Variants in LRRC7 observed in about 807,000 individuals in gnomAD.
LRRC7 encodes the protein leucine-rich repeat-containing protein 7.
A neutral mutation model predicts 175.7 loss-of-function variants in LRRC7; 23 were observed. The observed-to-expected ratio is 0.13, with a 90% CI of 0.09 to 0.19. The LOEUF (loss-of-function observed/expected upper bound fraction) is 0.19. Ranked by LOEUF, LRRC7 falls within the 10% of genes least tolerant of loss-of-function variation. LRRC7 has a pLI of 1.00. For synonymous variants in LRRC7, 685 were observed against 680.9 expected (o/e 1.01, Z -0.09); for missense variants, 1,354 against 1,904.7 (o/e 0.71, Z 5.38).
At chr1:69,578,052 G>T (rs1174368960) in intron 1 of LRRC7, among the ~76,000 whole-genome samples, 1 of 151,882 alleles carries the variant, frequency 6.6e-6, no homozygotes, top group African/African-American at 2.4e-5. Context: ...TCTGACAAAG[G>T]GCTAATATCC....
At chr1:69,886,869 A>G (rs1645645565) in intron 7 of LRRC7, among the ~76,000 whole-genome samples, 1 of 149,706 alleles carries the variant, frequency 6.7e-6, no homozygotes, top group Non-Finnish European at 1.5e-5. Context: ...TTTCTCCTTC[A>G]CTTATGAAGC....
intron 25 of LRRC7, among the ~76,000 whole-genome samples, chr1:70,107,483 CA>C (rs1337815446): frequency 4.6e-5 from 7 of 152,126 alleles, no homozygotes; most frequent in Non-Finnish European, 1.0e-4. Context: ...AGGAAAAAAT[CA>C]TTAAGAATAT....
chr1:70,047,136 A>G (rs934192563), intron 22 of LRRC7, among the ~76,000 whole-genome samples: 2 of 152,162 alleles, frequency 1.3e-5, no homozygotes, highest in African/African-American at 2.4e-5. Context: ...ATAGGGTAAG[A>G]CCAATTTTTA....
At chr1:69,705,906 C>T (rs943346605) in intron 2 of LRRC7, among the ~76,000 whole-genome samples, 30 of 152,104 alleles carry the variant, frequency 2.0e-4, no homozygotes, top group Admixed American at 4.6e-4. Context: ...TAAAGAAATG[C>T]TTCAAATATT....
At chr1:69,999,031 C>A (rs1198154146) in intron 11 of LRRC7, among the ~76,000 whole-genome samples, 1 of 152,234 alleles carries the variant, frequency 6.6e-6, no homozygotes, top group Non-Finnish European at 1.5e-5. Flanking sequence ...ACTCTGTCTC[C>A]TCCCCAGCAG....
intron 1 of LRRC7, among the ~76,000 whole-genome samples, chr1:69,628,188 C>T (rs563928118): frequency 1.3e-5 from 2 of 151,938 alleles, no homozygotes; most frequent in Admixed American, 6.6e-5. Context: ...AAAGAAAGAA[C>T]GAAAATTGTC....
intron 7 of LRRC7, among the ~76,000 whole-genome samples, chr1:69,851,574 A>G (rs1454709587): frequency 6.6e-6 from 1 of 152,094 alleles, no homozygotes; most frequent in Non-Finnish European, 1.5e-5. Flanking sequence ...GTGGCCCGGG[A>G]GTGGAAAGAT....
chr1:69,701,179 A>G (rs1266905464), intron 2 of LRRC7, among the ~76,000 whole-genome samples: 1 of 152,302 alleles, frequency 6.6e-6, no homozygotes, highest in Middle Eastern at 3.4e-3. Flanking sequence ...GTCAAATCAG[A>G]TGTTACATAT....
At chr1:69,889,217 G>C (rs762867151) in intron 7 of LRRC7, among the ~76,000 whole-genome samples, 11 of 152,126 alleles carry the variant, frequency 7.2e-5, no homozygotes, top group South Asian at 2.1e-4. Flanking sequence ...TAAGGTTATG[G>C]TGGCTCCGGC....
intron 7 of LRRC7, among the ~76,000 whole-genome samples, chr1:69,855,686 A>T (rs954359550): frequency 7.9e-5 from 12 of 151,800 alleles, no homozygotes; most frequent in Admixed American, 4.6e-4. Flanking sequence ...ATCCTTGTTA[A>T]CTTTCTGTCT....
intron 7 of LRRC7, among the ~76,000 whole-genome samples, chr1:69,859,150 A>G (rs1175070007): frequency 6.6e-6 from 1 of 152,106 alleles, no homozygotes; most frequent in Non-Finnish European, 1.5e-5. Context: ...CTAGAACCCA[A>G]ATTGACTTCT....
chr1:70,096,392 C>T (rs1384465023), intron 25 of LRRC7, among the ~76,000 whole-genome samples: 2 of 152,134 alleles, frequency 1.3e-5, no homozygotes, highest in Non-Finnish European at 2.9e-5. Context: ...ATTTAAAAAT[C>T]GTGTTGAATA....
At chr1:69,954,080 T>C (rs1390388200) in intron 8 of LRRC7, among the ~76,000 whole-genome samples, 3 of 151,994 alleles carry the variant, frequency 2.0e-5, no homozygotes, top group South Asian at 2.1e-4. Context: ...CACTGTGGAA[T>C]TGGTCTACGT....
chr1:69,952,118 C>T (rs1341709154), intron 8 of LRRC7, among the ~76,000 whole-genome samples: 1 of 151,714 alleles, frequency 6.6e-6, no homozygotes, highest in African/African-American at 2.4e-5. Flanking sequence ...AATAACATAA[C>T]AAATACATAA....
chr1:69,726,790 T>C (rs889178404), intron 2 of LRRC7, among the ~76,000 whole-genome samples: 27 of 151,560 alleles, frequency 1.8e-4, no homozygotes, highest in Admixed American at 7.9e-4. Context: ...AAAAAAAGAA[T>C]ACCAAGGAAA....
At chr1:69,878,826 G>T (rs1035411956) in intron 7 of LRRC7, among the ~76,000 whole-genome samples, 12 of 148,348 alleles carry the variant, frequency 8.1e-5, no homozygotes, top group Admixed American at 4.1e-4. Flanking sequence ...ATATATAAAA[G>T]AACAAGCTGT....
Position 70,134,528 on chromosome 1 carries a change from CT to C in LRRC7, c.*12648del, listed in dbSNP as rs922526813. Among the ~76,000 whole-genome samples, 10 of 152,280 alleles carry C rather than the reference CT, an allele frequency of 6.6e-5. No individual in the cohort carries two copies. The highest frequency in any genetic ancestry group is 2.2e-4 in the African/African-American group (9 of 41,544). On this transcript the variant is annotated 3_prime_UTR_variant, in exon 27 of 27. Transcript: ENST00000651989. ...GGTGTTCCCCTGCCAACCATTTAAT[CT>C]TTTTTTCTTCCAACCCGGAGCAAAG...
intron 2 of LRRC7, among the ~76,000 whole-genome samples, chr1:69,732,950 C>T (rs999958674): frequency 6.6e-6 from 1 of 151,884 alleles, no homozygotes; most frequent in African/African-American, 2.4e-5. Context: ...GGCTCTGTGC[C>T]AGGCAAATGT....
chr1:70,042,456 G>C (rs1178309388), intron 21 of LRRC7, among the ~76,000 whole-genome samples: 1 of 152,180 alleles, frequency 6.6e-6, no homozygotes, highest in Non-Finnish European at 1.5e-5. Context: ...ATTGCCTAGA[G>C]TCTTGGACAT....
Sources: allele counts gnomAD v4.1 joint callset (sites outside exome capture counted in the v4.1 genomes callset), GRCh38; gene constraint gnomAD v4.1.1; transcripts MANE v1.5; gene names NCBI Gene and HGNC (gene_info 2026-07-23, HGNC 2026-07-21).